The following BACH1 variants were observed in gnomAD, a reference collection of about 807,000 sequenced individuals.
The protein encoded by BACH1 is transcription regulator protein BACH1.
In BACH1, 35 loss-of-function variants were observed where a neutral mutation model predicts 52.9. The observed-to-expected ratio is 0.66, with a 90% CI of 0.51 to 0.88. BACH1 has a LOEUF of 0.88. Ranked by LOEUF, BACH1 falls within the 40% of genes least tolerant of loss-of-function variation. The pLI, the probability that BACH1 is intolerant of heterozygous loss-of-function variation, is 0.00. For synonymous variants in BACH1, 321 were observed against 319.6 expected (o/e 1.00, Z -0.05); for missense variants, 808 against 872.6 (o/e 0.93, Z 0.93).
At chr21:29,310,961 C>T (rs541768219) in intron 1 of BACH1, among the ~76,000 whole-genome samples, 1 of 152,194 alleles carries the variant, frequency 6.6e-6, no homozygotes, top group African/African-American at 2.4e-5. Context: ...AAGAGAGGAT[C>T]CATTATTCAT....
rs2088918235 is a variant in BACH1 at position 29,326,820 on chromosome 21, T to C, written c.996T>C (p.Tyr332=). The C allele has an allele frequency of 6.2e-7, 1 of 1,614,106 alleles. No homozygotes were observed. Among genetic ancestry groups the C allele is most frequent in the South Asian group, 1.1e-5 (1 of 91,096 alleles). The change falls in exon 3 of 5, where the codon TAT becomes TAC. Residue 332 remains tyrosine, a synonymous_variant. Transcript: ENST00000286800. ...CTCTTTTACACACATATGACCAATATGGTGACTTGAATTTTGCTGGTATGC... is the reference window on the plus strand; with the variant it reads ...CTCTTTTACACACATATGACCAATACGGTGACTTGAATTTTGCTGGTATGC... The part of the protein sequence containing the change: ...SLSLLHTYDQ[Y]GDLNFAGMQN...
intron 2 of BACH1, among the ~76,000 whole-genome samples, chr21:29,357,623 C>T (rs540471559): frequency 1.2e-4 from 19 of 152,238 alleles, no homozygotes; most frequent in African/African-American, 3.9e-4. Context: ...AGATGGCCAC[C>T]GCCACAACTA....
At chr21:29,361,110 G>T (rs757586978) in intron 2 of BACH1, 4 of 152,320 alleles carry the variant, frequency 2.6e-5, no homozygotes, top group Middle Eastern at 3.4e-3. Context: ...ACATAGTAGG[G>T]TCTCCAAAAA....
downstream of BACH1, among the ~76,000 whole-genome samples, chr21:29,350,071 T>C (rs2123486140): frequency 6.6e-6 from 1 of 152,080 alleles, no homozygotes; most frequent in East Asian, 1.9e-4. Context: ...GCCACAACGA[T>C]CCTCTAGATT....
intron 2 of BACH1, chr21:29,351,618 AG>A (rs1229313029): frequency 1.9e-6 from 1 of 534,592 alleles, no homozygotes; most frequent in Non-Finnish European, 3.8e-6. Context: ...CTGATATTTG[AG>A]GGGTTCTGTT....
chr21:29,303,766 CT>C (rs1484755868), intron 1 of BACH1, among the ~76,000 whole-genome samples: 1 of 152,202 alleles, frequency 6.6e-6, no homozygotes. Context: ...TTGAATATCA[CT>C]CCTCTAGAAC....
Position 29,326,847 on chromosome 21 carries a change from A to G in BACH1, c.1023A>G (p.Gln341=), listed in dbSNP as rs1399479922. The G allele has an allele frequency of 6.2e-7, 1 of 1,614,238 alleles. No individual in the cohort carries two copies. Among genetic ancestry groups the G allele is most frequent in the Non-Finnish European group, 8.5e-7 (1 of 1,180,044 alleles). The change falls in exon 3 of 5, where the codon CAA becomes CAG. Residue 341 remains glutamine, a synonymous_variant. Transcript: ENST00000286800. ...QYGDLNFAGM[Q]NTTVLTEKPL... is the part of the protein sequence containing the mutation. ...GTGACTTGAATTTTGCTGGTATGCA[A>G]AACACAACAGTGTTAACAGAAAAGC...
At chr21:29,332,892 C>A (rs2123460146) in intron 4 of BACH1, among the ~76,000 whole-genome samples, 1 of 152,318 alleles carries the variant, frequency 6.6e-6, no homozygotes, top group African/African-American at 2.4e-5. Flanking sequence ...CAGCAGACAT[C>A]TGATAGTGTC....
In BACH1 at chr21:29,321,477, A is replaced by C. The variant is rs1569012899; in HGVS notation, c.197A>C (p.Gln66Pro). The change falls in exon 2 of 5, where the codon CAG (glutamine) becomes CCG (proline). Residue 66 changes from glutamine (Q) to proline (P), a missense_variant. By Grantham distance (76) the Gln-to-Pro change is moderately conservative (BLOSUM62 -1). Coordinates refer to ENST00000286800, the MANE Select transcript of BACH1 (RefSeq NM_001186.4). ...TACTTCCACTCAAGAATCGTAGGCC[A>C]GGCTGATGGAGAGCTGAACATTACT... is the stretch of plus-strand genomic sequence containing the variant. ...SSYFHSRIVG[Q>P]ADGELNITLP... 6.2e-7 allele frequency: 1 copy of C among 1,614,212 alleles called. No homozygotes were observed. The highest frequency in any genetic ancestry group is 1.3e-5 in the African/African-American group (1 of 75,056).
chr21:29,325,043 G>A (rs567418699), intron 2 of BACH1, among the ~76,000 whole-genome samples: 6 of 152,152 alleles, frequency 3.9e-5, no homozygotes, highest in East Asian at 1.9e-4. Flanking sequence ...CCTGGCTAAC[G>A]TGGTGAAACC....
chr21:29,301,880 C>T (rs1018956978), intron 1 of BACH1, among the ~76,000 whole-genome samples: 2 of 152,036 alleles, frequency 1.3e-5, no homozygotes, highest in African/African-American at 4.8e-5. Context: ...GAATATCAAC[C>T]TCCTACTAGT....
intron 1 of BACH1, among the ~76,000 whole-genome samples, chr21:29,308,147 G>C (rs926641604): frequency 4.6e-5 from 7 of 152,086 alleles, no homozygotes; most frequent in African/African-American, 1.4e-4. Flanking sequence ...TCCTTATTTG[G>C]CTGAATCTTG....
intron 2 of BACH1, among the ~76,000 whole-genome samples, chr21:29,360,819 T>A (rs111772872): frequency 0.061 from 8,495 of 139,658 alleles, 250 homozygotes; most frequent in Non-Finnish European, 0.073. Context: ...CACTCCAGAC[T>A]GGGGCAACAG....
chr21:29,304,432 A>T (rs1234129377), intron 1 of BACH1, among the ~76,000 whole-genome samples: 3 of 152,046 alleles, frequency 2.0e-5, no homozygotes, highest in Non-Finnish European at 4.4e-5. Flanking sequence ...GCCCCTAATT[A>T]TTCCCAGTTT....
chr21:29,334,356 C>G (rs2123462660), intron 4 of BACH1, among the ~76,000 whole-genome samples: 1 of 152,278 alleles, frequency 6.6e-6, no homozygotes, highest in East Asian at 1.9e-4. Context: ...CCTCGGCCTC[C>G]CAAAGTGCTG....
At position 29,346,071 on chromosome 21, in the gene BACH1, T is replaced by C. The variant is rs943128256; in HGVS notation, c.*3238T>C. 3 of 152,610 alleles carry C rather than the reference T, an allele frequency of 2.0e-5. No individual in the cohort carries two copies. Among genetic ancestry groups the C allele is most frequent in the Non-Finnish European group, 4.4e-5 (3 of 68,028 alleles). The allele number at this position is 152,610 out of a possible 1,614,324, so 9.5% of individuals were successfully genotyped here. ...TCTCCCTAATGTTCTTACCCAAATG[T>C]ACCTGAACTAAAAAATGTTAGATGT... On this transcript the variant is annotated 3_prime_UTR_variant, in exon 5 of 5. Coordinates refer to ENST00000286800, the MANE Select transcript of BACH1 (RefSeq NM_001186.4).
chr21:29,311,490 CAG>C (rs34406872), intron 1 of BACH1, among the ~76,000 whole-genome samples: 99,299 of 151,728 alleles, frequency 0.65, 32,824 homozygotes, highest in East Asian at 0.82. Flanking sequence ...AATTCTGCTT[CAG>C]AGTTATGTGC....
intron 1 of BACH1, among the ~76,000 whole-genome samples, chr21:29,315,080 T>TTAGA (rs2088770864): frequency 6.6e-6 from 1 of 151,570 alleles, no homozygotes; most frequent in African/African-American, 2.4e-5. Context: ...AGCCATGTCT[T>TTAGA]TAGAATTTTT....
chr21:29,307,758 ATGT>A (rs1048324647), intron 1 of BACH1, among the ~76,000 whole-genome samples: 1 of 152,172 alleles, frequency 6.6e-6, no homozygotes, highest in Non-Finnish European at 1.5e-5. Context: ...ACACCTGTGT[ATGT>A]TGTTACAAGT....
Sources: gnomAD v4.1 joint callset for allele counts (sites outside exome capture counted in the v4.1 genomes callset) on GRCh38, gnomAD v4.1.1 for gene constraint, MANE v1.5 for transcripts, NCBI Gene and HGNC (gene_info 2026-07-23, HGNC 2026-07-21) for gene names.